AHCY: variants seen among roughly 807,000 people sequenced by gnomAD.
AHCY encodes the protein S-adenosyl-L-homocysteine hydrolase.
A neutral mutation model predicts 45.4 loss-of-function variants in AHCY; 24 were observed. The ratio of observed to expected loss-of-function variants is 0.53; its 90% confidence interval spans 0.38 to 0.74. The LOEUF is 0.74. AHCY is among the 30% of genes least tolerant of loss of function. The pLI is 0.00. For missense variants in AHCY, 449 were observed against 594.1 expected (o/e 0.76, Z 2.54); for synonymous variants, 245 against 235.1 (o/e 1.04, Z -0.39).
At chr20:34,242,526 C>T in the AHCY span, among the ~76,000 whole-genome samples, 1 of 152,244 alleles carries the variant, frequency 6.6e-6, no homozygotes, top group Admixed American at 6.5e-5. Context: ...AGCCACAGCA[C>T]CCAGCCAGTC....
chr20:34,248,141 G>T, the AHCY span, among the ~76,000 whole-genome samples: 1 of 152,004 alleles, frequency 6.6e-6, no homozygotes, highest in Non-Finnish European at 1.5e-5. Context: ...GGGAGGTGAA[G>T]GTTGCAGTGA....
At chr20:34,249,870 T>G in the AHCY span, 4 of 152,348 alleles carry the variant, frequency 2.6e-5, no homozygotes, top group African/African-American at 9.6e-5. Context: ...AAATCACATA[T>G]GCACAGTGTT....
downstream of AHCY, among the ~76,000 whole-genome samples, chr20:34,279,410 G>A (rs1053380946): frequency 2.0e-5 from 3 of 150,140 alleles, no homozygotes; most frequent in Admixed American, 1.3e-4. Flanking sequence ...GCAACAGAGC[G>A]AGACTGTCTA....
chr20:34,269,267 G>A, the AHCY span: 1 of 1,379,350 alleles, frequency 7.2e-7, no homozygotes. Context: ...GGCTGCAGGC[G>A]GGCGGAGGTT....
chr20:34,289,121 A>T (rs1158188566), intron 8 of AHCY, among the ~76,000 whole-genome samples: 1 of 152,078 alleles, frequency 6.6e-6, no homozygotes, highest in African/African-American at 2.4e-5. Context: ...CTCATGCCTC[A>T]GCCTCCCGAG....
the AHCY span, among the ~76,000 whole-genome samples, chr20:34,275,226 G>A: frequency 1.3e-5 from 2 of 151,094 alleles, no homozygotes; most frequent in East Asian, 2.0e-4. Context: ...TCCGCCTCAC[G>A]GGTTCAAGCG....
At chr20:34,258,743 T>C in the AHCY span, among the ~76,000 whole-genome samples, 2 of 82,968 alleles carry the variant, frequency 2.4e-5, no homozygotes, top group East Asian at 6.9e-4. Flanking sequence ...AGTATATATA[T>C]ACTATATATA....
intron 1 of AHCY, among the ~76,000 whole-genome samples, chr20:34,297,791 T>C (rs1279824362): frequency 1.3e-5 from 2 of 152,034 alleles, no homozygotes; most frequent in Non-Finnish European, 2.9e-5. Flanking sequence ...TGGAATCCAC[T>C]AGTCACCTAT....
In AHCY at chr20:34,290,808, T is replaced by C. The variant is rs2036356643; in HGVS notation, c.689A>G (p.Gln230Arg). 1.9e-6 allele frequency: 3 copies of C among 1,614,142 alleles called. No homozygotes were observed. The highest frequency in any genetic ancestry group is 2.5e-6 in the Non-Finnish European group (3 of 1,180,006). ...GCGGGCTCCGAAACCCCGCAGGGCC[T>C]GGGCACAGCCCTTGCCCACATCACC... ...GYGDVGKGCA[Q>R]ALRGFGARVI... is the part of the protein sequence containing the mutation. Residue 230 changes from glutamine (Q) to arginine (R), a missense_variant, in exon 6 of 10, where the codon CAG becomes CGG. Transcript: ENST00000217426. This position sits in a 1 kb window ranked among gnomAD's most constrained non-coding sequence, Gnocchi z 4.5.
chr20:34,273,352 T>A, the AHCY span, among the ~76,000 whole-genome samples: 1 of 151,898 alleles, frequency 6.6e-6, no homozygotes, highest in East Asian at 1.9e-4. Context: ...TTGCAACTAA[T>A]ATACTCTGAC....
chr20:34,294,466 TGAG>T (rs1381146584), intron 2 of AHCY, among the ~76,000 whole-genome samples: 2 of 152,136 alleles, frequency 1.3e-5, no homozygotes, highest in Non-Finnish European at 1.5e-5. Flanking sequence ...GTGGAGATGA[TGAG>T]AAGTTGTCAC....
intron 1 of AHCY, among the ~76,000 whole-genome samples, chr20:34,298,667 C>T (rs1463008933): frequency 6.6e-6 from 1 of 151,762 alleles, no homozygotes; most frequent in Non-Finnish European, 1.5e-5. Flanking sequence ...GCTCCTCCAC[C>T]TCTTGTAGAG....
At chr20:34,293,697 G>T in intron 3 of AHCY, 1 of 357,826 alleles carries the variant, frequency 2.8e-6, no homozygotes, top group Non-Finnish European at 5.4e-6. Flanking sequence ...GTTAGACTTG[G>T]TCCTTCCTCA....
the AHCY span, among the ~76,000 whole-genome samples, chr20:34,256,328 T>G: frequency 6.6e-6 from 1 of 152,170 alleles, no homozygotes. Flanking sequence ...TGTGCCTTGG[T>G]GGTAGTGGTC....
chr20:34,278,442 T>C (rs1408302352), downstream of AHCY, among the ~76,000 whole-genome samples: 4 of 152,174 alleles, frequency 2.6e-5, no homozygotes, highest in Non-Finnish European at 5.9e-5. Context: ...CAGAAGGCGT[T>C]CAACCTCTCT....
chr20:34,284,666 C>CA (rs1416475651), intron 9 of AHCY, among the ~76,000 whole-genome samples: 2 of 151,944 alleles, frequency 1.3e-5, no homozygotes, highest in African/African-American at 4.8e-5. Context: ...ACTAAAAATA[C>CA]AAAAAAATTA....
At chr20:34,247,557 A>C in the AHCY span, among the ~76,000 whole-genome samples, 3 of 151,998 alleles carry the variant, frequency 2.0e-5, no homozygotes. Flanking sequence ...TCAGCCTCCC[A>C]AAGTGCTAGG....
chr20:34,240,323 T>A, the AHCY span, among the ~76,000 whole-genome samples: 3 of 152,144 alleles, frequency 2.0e-5, no homozygotes, highest in Admixed American at 1.3e-4. Context: ...ATGGAGCAGG[T>A]GCTGTGCCCC....
chr20:34,269,075 C>T, the AHCY span: 1 of 1,576,990 alleles, frequency 6.3e-7, no homozygotes, highest in Non-Finnish European at 8.6e-7. Context: ...CTGCAAGCCG[C>T]CGGCACCCGC....
Sources: allele counts gnomAD v4.1 joint callset (sites outside exome capture counted in the v4.1 genomes callset), GRCh38; gene constraint gnomAD v4.1.1; non-coding constraint Gnocchi (gnomAD v3.1); transcripts MANE v1.5; gene names NCBI Gene and HGNC (gene_info 2026-07-23, HGNC 2026-07-21).